The following FOXO1 variants were observed in gnomAD, a reference collection of about 807,000 sequenced individuals.
FOXO1 encodes forkhead box protein O1.
Under a neutral mutation model 44.1 loss-of-function variants are expected in FOXO1, and 6 were observed. The ratio of observed to expected loss-of-function variants is 0.14; its 90% CI spans 0.07 to 0.27. The LOEUF is 0.27. FOXO1 is among the 10% of genes least tolerant of loss of function. The pLI, the probability that FOXO1 is intolerant of heterozygous loss-of-function variation, is 1.00. For synonymous variants in FOXO1, 380 were observed against 362.7 expected (o/e 1.05, Z -0.54); for missense variants, 737 against 888.8 (o/e 0.83, Z 2.17).
intron 1 of FOXO1, among the ~76,000 whole-genome samples, chr13:40,585,342 C>A (rs1208080786): frequency 8.0e-5 from 10 of 124,630 alleles, no homozygotes; most frequent in African/African-American, 2.8e-4. Flanking sequence ...TCTGCGCGCG[C>A]GCACACACAC....
intron 1 of FOXO1, among the ~76,000 whole-genome samples, chr13:40,641,726 T>A (rs888068519): frequency 6.7e-6 from 1 of 149,666 alleles, no homozygotes; most frequent in African/African-American, 2.6e-5. Flanking sequence ...GGCTCACACC[T>A]GTAATCCCAG....
chr13:40,605,272 C>T (rs920218749), intron 1 of FOXO1, among the ~76,000 whole-genome samples: 3 of 152,088 alleles, frequency 2.0e-5, no homozygotes, highest in African/African-American at 7.2e-5. Context: ...ATTCACTGCT[C>T]GACCATATCA....
intron 1 of FOXO1, among the ~76,000 whole-genome samples, chr13:40,651,533 CAA>C (rs1014604485): frequency 9.5e-4 from 52 of 54,842 alleles, no homozygotes; most frequent in African/African-American, 6.3e-3. Context: ...CAAATAACTT[CAA>C]GAGAGGAAAA....
intron 1 of FOXO1, among the ~76,000 whole-genome samples, chr13:40,595,787 T>G (rs951337750): frequency 1.3e-5 from 2 of 152,124 alleles, no homozygotes; most frequent in African/African-American, 4.8e-5. Context: ...CAAACATTTG[T>G]CATTTCTCTG....
At chr13:40,567,529 A>G (rs1011058323) in intron 1 of FOXO1, among the ~76,000 whole-genome samples, 1 of 152,154 alleles carries the variant, frequency 6.6e-6, no homozygotes, top group African/African-American at 2.4e-5. Flanking sequence ...TGCTGGCTGA[A>G]AAAACTATCC....
At chr13:40,637,505 CTTACGTCT>C (rs1212094100) in intron 1 of FOXO1, among the ~76,000 whole-genome samples, 3 of 150,462 alleles carry the variant, frequency 2.0e-5, no homozygotes, top group African/African-American at 7.3e-5. Context: ...CACCCTCAAC[CTTACGTCT>C]TCCTAGCTAT....
chr13:40,571,948 A>G (rs976310494), intron 1 of FOXO1, among the ~76,000 whole-genome samples: 3 of 152,258 alleles, frequency 2.0e-5, no homozygotes, highest in East Asian at 1.9e-4. Flanking sequence ...CATAAAATAA[A>G]GCATAGCCAT....
intron 1 of FOXO1, 29 bp downstream of exon 1, chr13:40,665,554 A>G (rs1439731259): frequency 1.5e-6 from 2 of 1,356,372 alleles, no homozygotes; most frequent in Admixed American, 2.6e-5. Flanking sequence ...CGCGCCCCCA[A>G]GGTCCGGCCG....
intron 1 of FOXO1, among the ~76,000 whole-genome samples, chr13:40,629,654 A>G (rs1263165095): frequency 6.6e-6 from 1 of 152,230 alleles, no homozygotes; most frequent in Non-Finnish European, 1.5e-5. Context: ...TTTGAGCATC[A>G]TGTTGCCACT....
intron 1 of FOXO1, among the ~76,000 whole-genome samples, chr13:40,647,755 G>A (rs1261139483): frequency 6.6e-6 from 1 of 152,122 alleles, no homozygotes; most frequent in South Asian, 2.1e-4. Context: ...TAGAAGGATG[G>A]GGGGAAGCCA....
In FOXO1 at chr13:40,665,577, A is replaced by G. The variant is rs1878204397; in HGVS notation, c.630+6T>C. The stretch of plus-strand genomic sequence containing the variant: ...CAAGGTCCGGCCGCGCGCCGAGTCC[A>G]CTCACCTTCCAGCCCGCCGAGCTGT... On this transcript the variant is annotated splice_donor_region_variant and intron_variant, in intron 1 of 2. Transcript: ENST00000379561. 1 of 1,400,678 alleles carries G rather than the reference A, an allele frequency of 7.1e-7. No homozygotes were observed. Among genetic ancestry groups the G allele is most frequent in the East Asian group, 2.8e-5 (1 of 36,180 alleles). The allele number at this position is 1,400,678 out of a possible 1,614,324, so 86.8% of individuals were successfully genotyped here.
At chr13:40,564,231 C>T (rs1874168720) in intron 1 of FOXO1, among the ~76,000 whole-genome samples, 1 of 150,576 alleles carries the variant, frequency 6.6e-6, no homozygotes, top group East Asian at 2.0e-4. Context: ...ATCTTTAAAA[C>T]ATTCAAGAAG....
chr13:40,618,090 T>C (rs1301782621), intron 1 of FOXO1, among the ~76,000 whole-genome samples: 1 of 152,196 alleles, frequency 6.6e-6, no homozygotes, highest in Non-Finnish European at 1.5e-5. Context: ...TTTATTTTTT[T>C]TTGGTGAGAC....
chr13:40,584,467 T>A (rs1323640282), intron 1 of FOXO1, among the ~76,000 whole-genome samples: 1 of 16,652 alleles, frequency 6.0e-5, no homozygotes, highest in Admixed American at 9.4e-4. Flanking sequence ...CCACAAAAAA[T>A]GCAAAAAAAA....
At chr13:40,585,298 C>A (rs1053977565) in intron 1 of FOXO1, among the ~76,000 whole-genome samples, 1 of 152,022 alleles carries the variant, frequency 6.6e-6, no homozygotes, top group Non-Finnish European at 1.5e-5. Context: ...GAATTTTCCT[C>A]CCCCGCTTTC....
rs1037409398 is a variant in FOXO1, at chr13:40,555,977, T to C, written c.*3072A>G. 1 of 152,518 alleles carries C rather than the reference T, an allele frequency of 6.6e-6. No homozygotes were observed. The highest frequency in any genetic ancestry group is 1.5e-5 in the Non-Finnish European group (1 of 68,056). The allele number at this position is 152,518 out of a possible 1,614,324, so 9.4% of individuals were successfully genotyped here. A position where few individuals can be genotyped will look rare whatever the true frequency, so the allele number is the denominator to read the frequency against. On this transcript the variant is annotated 3_prime_UTR_variant, in exon 3 of 3. Transcript: ENST00000379561. Reference sequence around the variant, plus strand: ...CACCCCTGGCCACACTGCCAGGCTGTGCCCACCTCAAGGAGAGGCCAACTG... The same window carrying C: ...CACCCCTGGCCACACTGCCAGGCTGCGCCCACCTCAAGGAGAGGCCAACTG...
rs762743966 is a variant in FOXO1 at position 40,559,541 on chromosome 13, A to G, written c.1950T>C (p.His650=). 3.1e-5 allele frequency: 50 copies of G among 1,601,470 alleles called. No homozygotes were observed. Among genetic ancestry groups the G allele is most frequent in the Non-Finnish European group, 4.1e-5 (48 of 1,172,250 alleles). ...CTAACCCTCAGCCTGACACCCAGCT[A>G]TGTGTCGTTGTCTTGACACTGTGTG... ...SFPHSVKTTT[H]SWVSG Residue 650 remains histidine (H), a synonymous_variant, in exon 2 of 3, where the codon CAT becomes CAC. Coordinates refer to ENST00000379561, the MANE Select transcript of FOXO1 (RefSeq NM_002015.4).
At chr13:40,662,198 A>T (rs1298136192) in intron 1 of FOXO1, among the ~76,000 whole-genome samples, 1 of 137,890 alleles carries the variant, frequency 7.3e-6, no homozygotes, top group Non-Finnish European at 1.5e-5. Context: ...AAAAAAAAAG[A>T]TATTTATCTT....
At chr13:40,602,975 T>C (rs775266193) in intron 1 of FOXO1, among the ~76,000 whole-genome samples, 3 of 152,100 alleles carry the variant, frequency 2.0e-5, no homozygotes, top group African/African-American at 4.8e-5. Flanking sequence ...GATGGATGGA[T>C]GGGAATGAAC....
Sources: allele counts gnomAD v4.1 joint callset (sites outside exome capture counted in the v4.1 genomes callset), GRCh38; gene constraint gnomAD v4.1.1; transcripts MANE v1.5; gene names NCBI Gene and HGNC (gene_info 2026-07-23, HGNC 2026-07-21).